The following TOP1 variants were observed in gnomAD, a reference collection of about 807,000 sequenced individuals.
TOP1 encodes DNA topoisomerase 1.
TOP1 carries 10 observed loss-of-function variants against 111.1 expected under a neutral mutation model. The ratio of observed to expected loss-of-function variants is 0.09; its 90% CI spans 0.06 to 0.15. TOP1 has a LOEUF of 0.15. Among genes scored for constraint, TOP1 ranks in the 10% least tolerant of loss-of-function variants. TOP1 has a pLI of 1.00. For synonymous variants in TOP1, 271 were observed against 302.9 expected, an observed-to-expected ratio of 0.89 and a Z score of 1.10; for missense variants, 474 against 926.7, an observed-to-expected ratio of 0.51 and a Z score of 6.34.
chr20:41,053,884 T>G lies in TOP1; in HGVS notation c.59-7510T>G, dbSNP rs115473661. 3.6e-3 allele frequency among the ~76,000 whole-genome samples: 542 copies of G among 152,262 alleles called. 4 individuals are homozygous for G. Among genetic ancestry groups the G allele is most frequent in the African/African-American group, 0.012 (518 of 41,526 alleles). ...CCTTGGAGTGTTTTTTCAGGCTGAA[T>G]TGTTAGGCATGGGATTGCTGGGTTT... On this transcript the variant is annotated intron_variant, in intron 2 of 20. Transcript: ENST00000361337.
Position 41,106,094 on chromosome 20 carries a change from G to A in TOP1, c.1308+4741G>A, listed in dbSNP as rs551210679. On this transcript the variant is annotated intron_variant, in intron 13 of 20. Coordinates refer to ENST00000361337, the MANE Select transcript of TOP1 (RefSeq NM_003286.4). This position sits in a 1 kb window ranked among gnomAD's most constrained non-coding sequence, Gnocchi z 4.3. ...GAATGTATTTTTGCATTGGGATGAA[G>A]TTGAAACCTAATATATTTTCCAAAT... Among the ~76,000 whole-genome samples the A allele has an allele frequency of 2.0e-5, 3 of 151,784 alleles. No homozygotes were observed. In the South Asian group the frequency reaches 6.2e-4, roughly 31 times the overall value.
chr20:41,048,982 G>T (rs997543663), intron 2 of TOP1, among the ~76,000 whole-genome samples: 1 of 152,172 alleles, frequency 6.6e-6, no homozygotes. Flanking sequence ...GGAAGGGGTT[G>T]TGGAGAGACA....
chr20:41,072,574 G>A (rs753898105), intron 3 of TOP1: 21 of 985,222 alleles, frequency 2.1e-5, no homozygotes, highest in Non-Finnish European at 2.3e-5. Context: ...GTTCCCCAGC[G>A]CCTTTGCTAC....
At chr20:41,060,649 A>G (rs2033533280) in intron 2 of TOP1, among the ~76,000 whole-genome samples, 1 of 152,074 alleles carries the variant, frequency 6.6e-6, no homozygotes, top group Non-Finnish European at 1.5e-5. Flanking sequence ...TTTGTAGGGG[A>G]TTGGTTCCAG....
At position 41,115,474 on chromosome 20, in the gene TOP1, C is replaced by T. The variant is rs750033407; in HGVS notation, c.1707+35C>T. On this transcript the variant is annotated intron_variant, in intron 16 of 20. Coordinates refer to ENST00000361337, the MANE Select transcript of TOP1 (RefSeq NM_003286.4). The surrounding 1 kb of genome is among the most constrained non-coding windows in gnomAD (Gnocchi z 6.3). Reference sequence around the variant, plus strand: ...TGAAGCACACAATGTTGAAGGGAGTCCCAGCCAGAGCCTCACAGTACCTAA... The same window carrying T: ...TGAAGCACACAATGTTGAAGGGAGTTCCAGCCAGAGCCTCACAGTACCTAA... The T allele has an allele frequency of 3.9e-6, 6 of 1,533,376 alleles. No homozygotes were observed. Among genetic ancestry groups the T allele is most frequent in the Admixed American group, 1.7e-5 (1 of 59,864 alleles). 95.0% of individuals were successfully genotyped at this position (1,533,376 alleles called of 1,614,324 possible).
At position 41,029,495 on chromosome 20, in the gene TOP1, C is replaced by T. The variant is rs775775196; in HGVS notation, c.58+40C>T. 6.5e-7 allele frequency: 1 copy of T among 1,528,706 alleles called. No homozygotes were observed. The highest frequency in any genetic ancestry group is 8.8e-7 in the Non-Finnish European group (1 of 1,130,540). The allele number at this position is 1,528,706 out of a possible 1,614,324, so 94.7% of individuals were successfully genotyped here. On this transcript the variant is annotated intron_variant, in intron 2 of 20. Coordinates refer to ENST00000361337, the MANE Select transcript of TOP1 (RefSeq NM_003286.4). The surrounding 1 kb of genome is among the most constrained non-coding windows in gnomAD (Gnocchi z 6.1). The stretch of plus-strand genomic sequence containing the variant: ...TGCGCCGACTCCGGGGCCCCCCAGC[C>T]GCCGGCCGCCTCCCCCGCGCCCTGC...
At chr20:41,086,788 C>T (rs2033854434) in intron 8 of TOP1, among the ~76,000 whole-genome samples, 2 of 152,340 alleles carry the variant, frequency 1.3e-5, no homozygotes, top group African/African-American at 4.8e-5. Context: ...GACTTTGCTA[C>T]AGCTTCTAAC....
In TOP1 at chr20:41,028,987, T is replaced by A. The variant is rs955528697; in HGVS notation, c.-81T>A. On this transcript the variant is annotated 5_prime_UTR_variant, in exon 1 of 21. Coordinates refer to ENST00000361337, the MANE Select transcript of TOP1 (RefSeq NM_003286.4). ...CCTCCTCGAGCCTCCGGAGTCCCCG[T>A]CCGCCCGCACAGGCCGGTTCGCCGT... 69 of 1,282,726 alleles carry A rather than the reference T, an allele frequency of 5.4e-5. No homozygotes were observed. The highest frequency in any genetic ancestry group is 7.4e-5 in the Non-Finnish European group (68 of 922,796). 79.5% of individuals were successfully genotyped at this position (1,282,726 alleles called of 1,614,324 possible).
chr20:41,088,004 T>A (rs2033868443), intron 8 of TOP1, among the ~76,000 whole-genome samples: 1 of 152,196 alleles, frequency 6.6e-6, no homozygotes, highest in African/African-American at 2.4e-5. Flanking sequence ...AACTGTTTGC[T>A]TTTATTTGTA....
At chr20:41,045,854 C>T (rs1252621751) in intron 2 of TOP1, among the ~76,000 whole-genome samples, 1 of 152,202 alleles carries the variant, frequency 6.6e-6, no homozygotes, top group Non-Finnish European at 1.5e-5. Flanking sequence ...AACTCAGCTG[C>T]TGTATGCCAT....
chr20:41,078,747 C>T lies in TOP1; in HGVS notation c.335+1110C>T, dbSNP rs975613539. 2.0e-5 allele frequency among the ~76,000 whole-genome samples: 3 copies of T among 152,168 alleles called. No individual in the cohort carries two copies. The highest frequency in any genetic ancestry group is 7.2e-5 in the African/African-American group (3 of 41,440). On this transcript the variant is annotated intron_variant, in intron 5 of 20. Transcript: ENST00000361337. The surrounding 1 kb of genome is among the most constrained non-coding windows in gnomAD (Gnocchi z 5.3). ...GCATAGTCATGAATTCATTTTCAGA[C>T]TTTTTGGGTTAGAAGATTAGGAACA...
In TOP1 at chr20:41,084,499, A is replaced by T; in HGVS notation, c.545A>T (p.Asp182Val). The T allele has an allele frequency of 6.3e-7, 1 of 1,576,474 alleles. No homozygotes were observed. The highest frequency in any genetic ancestry group is 8.6e-7 in the Non-Finnish European group (1 of 1,160,648). The part of the protein sequence containing the change: ...KLKKPKNKDK[D>V]KKVPEPDNKK... ...AAAAAACCCAAGAATAAAGATAAAG[A>T]TAAAAAAGTTCCTGAGCCAGATAAC... The change falls in exon 8 of 21, where the codon GAT (aspartate) becomes GTT (valine). Residue 182 changes from aspartate (D) to valine (V), a missense_variant. Transcript: ENST00000361337.
intron 2 of TOP1, among the ~76,000 whole-genome samples, chr20:41,045,692 C>T (rs563775919): frequency 8.5e-5 from 13 of 152,174 alleles, no homozygotes; most frequent in Admixed American, 2.6e-4. Flanking sequence ...TTGCCTATAA[C>T]AAGAAGGTAA....
In TOP1 at chr20:41,072,520, C is replaced by CT. The variant is rs1435126582; in HGVS notation, c.156-3648dup. 7 of 985,356 alleles carry CT rather than the reference C, an allele frequency of 7.1e-6. No homozygotes were observed. In the South Asian group the frequency reaches 1.4e-4, roughly 20 times the overall value. 61.0% of individuals were successfully genotyped at this position (985,356 alleles called of 1,614,324 possible). A position where few individuals can be genotyped will look rare whatever the true frequency, so the allele number is the denominator to read the frequency against. ...TATGCTGGCCAAATCCTGTTTCTGA[C>CT]TTTCCTGGCACAGCCCTGGACATGC... On this transcript the variant is annotated intron_variant, in intron 3 of 20. Transcript: ENST00000361337.
At chr20:41,108,274 G>A (rs1272799168) in intron 13 of TOP1, among the ~76,000 whole-genome samples, 3 of 152,138 alleles carry the variant, frequency 2.0e-5, no homozygotes, top group East Asian at 3.8e-4. Flanking sequence ...TCACATAATA[G>A]TGTATCATTG....
At chr20:41,104,137 C>T (rs964516185) in intron 13 of TOP1, among the ~76,000 whole-genome samples, 12 of 152,254 alleles carry the variant, frequency 7.9e-5, no homozygotes, top group Admixed American at 1.3e-4. Context: ...GAGGAGCATA[C>T]GCTCTAAGAA....
At chr20:41,050,695 A>T (rs953325899) in intron 2 of TOP1, among the ~76,000 whole-genome samples, 2 of 152,116 alleles carry the variant, frequency 1.3e-5, no homozygotes, top group African/African-American at 2.4e-5. Context: ...TTCCCCTTTT[A>T]ATGATGACAA....
At chr20:41,073,142 A>T in intron 3 of TOP1, 2 of 985,334 alleles carry the variant, frequency 2.0e-6, no homozygotes, top group Non-Finnish European at 1.2e-6. Flanking sequence ...TTGGTGTGAT[A>T]ATGTACAGCA....
At chr20:41,073,728 G>C (rs768950568) in intron 3 of TOP1, among the ~76,000 whole-genome samples, 4 of 152,328 alleles carry the variant, frequency 2.6e-5, no homozygotes, top group Middle Eastern at 3.4e-3. Flanking sequence ...TGAGGGGATA[G>C]ATAATAAAAC....
Sources: gnomAD v4.1 joint callset for allele counts (sites outside exome capture counted in the v4.1 genomes callset) on GRCh38, gnomAD v4.1.1 for gene constraint, Gnocchi (gnomAD v3.1) non-coding constraint, MANE v1.5 for transcripts, NCBI Gene and HGNC (gene_info 2026-07-23, HGNC 2026-07-21) for gene names.